The following FSTL1 variants were observed in gnomAD, a reference collection of about 807,000 sequenced individuals.
FSTL1 encodes follistatin like 1, also known as follistatin-related protein 1.
Under a neutral mutation model 45.9 loss-of-function variants are expected in FSTL1, and 24 were observed. That is an observed-to-expected ratio of 0.52 (90% CI 0.38 to 0.74). FSTL1 has a LOEUF of 0.74. FSTL1 is among the 30% of genes least tolerant of loss of function. The probability of loss-of-function intolerance (pLI) is 0.00; values close to 1 mark genes in which losing one functional copy is unlikely to be tolerated. For missense variants in FSTL1, 340 were observed against 381.8 expected (o/e 0.89, Z 0.91); for synonymous variants, 120 against 137.6 (o/e 0.87, Z 0.89).
At chr3:120,418,206 A>G (rs1937219067) in intron 2 of FSTL1, among the ~76,000 whole-genome samples, 1 of 152,242 alleles carries the variant, frequency 6.6e-6, no homozygotes, top group African/African-American at 2.4e-5. Flanking sequence ...AAATGTTTTC[A>G]TACACATGAT....
intron 2 of FSTL1, among the ~76,000 whole-genome samples, chr3:120,437,886 C>A (rs1937587497): frequency 6.6e-6 from 1 of 152,162 alleles, no homozygotes. Flanking sequence ...TTCACCCTAA[C>A]AAGTCACTTG....
intron 6 of FSTL1, among the ~76,000 whole-genome samples, chr3:120,408,551 C>T (rs1362377637): frequency 6.6e-6 from 1 of 152,212 alleles, no homozygotes. Flanking sequence ...AAAAGTCCTT[C>T]ATGTGTCTGA....
At chr3:120,450,777 G>A in intron 1 of FSTL1, 31 bp from the exon 2 acceptor site, 1 of 1,530,932 alleles carries the variant, frequency 6.5e-7, no homozygotes, top group Non-Finnish European at 8.8e-7. Flanking sequence ...CGAGTCTGAA[G>A]GCGCCGGGCC....
Position 120,403,920 on chromosome 3 carries a change from C to CAAAAAAA in FSTL1, c.582-573_582-567dup, listed in dbSNP as rs34145564. Among the ~76,000 whole-genome samples, 111 of 52,046 alleles carry CAAAAAAA rather than the reference C, an allele frequency of 2.1e-3. 1 individual carries two copies. Among genetic ancestry groups the CAAAAAAA allele is most frequent in the Middle Eastern group, 0.017 (1 of 60 alleles). 34.1% of individuals were successfully genotyped at this position (52,046 alleles called of 152,430 possible). On this transcript the variant is annotated intron_variant, in intron 7 of 10. Transcript: ENST00000295633. Reference sequence around the variant, plus strand: ...TGGGCGACAGAGCGAGACTCCGTCTCAAAAAAAAAAAAAAAAAAAAAAAAC... The same window carrying CAAAAAAA: ...TGGGCGACAGAGCGAGACTCCGTCTCAAAAAAAAAAAAAAAAAAAAAAAAAAAAAAAC...
chr3:120,413,929 T>C (rs536991507), intron 3 of FSTL1, among the ~76,000 whole-genome samples: 2 of 152,008 alleles, frequency 1.3e-5, no homozygotes, highest in South Asian at 2.1e-4. Context: ...GTGCCTGCGA[T>C]TGCAGGCTTG....
At chr3:120,401,419 TAC>T (rs1936823389) in intron 9 of FSTL1, among the ~76,000 whole-genome samples, 5 of 152,130 alleles carry the variant, frequency 3.3e-5, no homozygotes, top group Non-Finnish European at 7.4e-5. Flanking sequence ...CCTTAGATAG[TAC>T]TGGGCCATTT....
intron 7 of FSTL1, 111 bp from the exon 8 acceptor site, chr3:120,403,465 G>T: frequency 4.6e-6 from 3 of 654,014 alleles, no homozygotes; most frequent in South Asian, 3.7e-5. Context: ...AGGCCAAGAA[G>T]ATGACTGCTA....
At chr3:120,400,916 A>G (rs1936813667) in intron 9 of FSTL1, among the ~76,000 whole-genome samples, 1 of 152,240 alleles carries the variant, frequency 6.6e-6, no homozygotes, top group Non-Finnish European at 1.5e-5. Flanking sequence ...GGACTTGGTC[A>G]TCCAGGGAGG....
chr3:120,409,493 C>T, intron 6 of FSTL1, 39 bp downstream of exon 6: 1 of 1,594,648 alleles, frequency 6.3e-7, no homozygotes. Flanking sequence ...GCTTCCCTTT[C>T]TATGGGCCTG....
intron 2 of FSTL1, among the ~76,000 whole-genome samples, chr3:120,445,895 G>A (rs1937728526): frequency 6.7e-6 from 1 of 150,008 alleles, no homozygotes; most frequent in South Asian, 2.1e-4. Context: ...ACAGTGAAGG[G>A]AAGGCCACGC....
chr3:120,400,031 T>C, intron 9 of FSTL1, 72 bp from the exon 10 acceptor site: 1 of 966,098 alleles, frequency 1.0e-6, no homozygotes, highest in Non-Finnish European at 1.6e-6. Context: ...AAGATCTACC[T>C]AGAGGCTCTC....
chr3:120,410,453 T>C (rs1937029626), intron 5 of FSTL1: 1 of 269,392 alleles, frequency 3.7e-6, no homozygotes, highest in South Asian at 3.8e-5. Flanking sequence ...ATATGGTAAT[T>C]ACAATAAGAT....
chr3:120,437,485 AT>A (rs1312611984), intron 2 of FSTL1, among the ~76,000 whole-genome samples: 1 of 152,230 alleles, frequency 6.6e-6, no homozygotes, highest in Non-Finnish European at 1.5e-5. Flanking sequence ...TTCCACAGGA[AT>A]TTTTGTGAGA....
At chr3:120,438,092 C>A (rs1158095107) in intron 2 of FSTL1, among the ~76,000 whole-genome samples, 8 of 152,152 alleles carry the variant, frequency 5.3e-5, no homozygotes, top group African/African-American at 1.9e-4. Flanking sequence ...AAATTAGGGT[C>A]CACGCAATAG....
chr3:120,422,344 G>GCA (rs747286823), intron 2 of FSTL1, among the ~76,000 whole-genome samples: 1 of 152,072 alleles, frequency 6.6e-6, no homozygotes, highest in Non-Finnish European at 1.5e-5. Flanking sequence ...TTCTCAACAT[G>GCA]CACACACACA....
At chr3:120,430,951 T>A (rs1238454294) in intron 2 of FSTL1, among the ~76,000 whole-genome samples, 1 of 152,244 alleles carries the variant, frequency 6.6e-6, no homozygotes, top group Non-Finnish European at 1.5e-5. Flanking sequence ...ACCCATCTCA[T>A]ACAGAATTTA....
rs1936652317 is a variant in FSTL1 at position 120,394,308 on chromosome 3, A to G, written c.*2644T>C. 1.3e-5 allele frequency: 2 copies of G among 152,246 alleles called. No homozygotes were observed. Among genetic ancestry groups the G allele is most frequent in the South Asian group, 4.1e-4 (2 of 4,832 alleles). 9.4% of individuals were successfully genotyped at this position (152,246 alleles called of 1,614,324 possible). A position where few individuals can be genotyped will look rare whatever the true frequency, so the allele number is the denominator to read the frequency against. On this transcript the variant is annotated 3_prime_UTR_variant, in exon 11 of 11. Coordinates refer to ENST00000295633, the MANE Select transcript of FSTL1 (RefSeq NM_007085.5). ...TTTAATTTCTTTATTCATCAATAGT[A>G]TCCGAAAAGGAAGAATCAGGAGTTA...
chr3:120,405,047 C>T (rs961840241), intron 6 of FSTL1, 76 bp from the exon 7 acceptor site: 2 of 808,086 alleles, frequency 2.5e-6, no homozygotes, highest in Non-Finnish European at 4.5e-6. Flanking sequence ...CTCAGCTGAC[C>T]TGCCTCTGAT....
At chr3:120,404,557 C>T (rs1452885090) in intron 7 of FSTL1, among the ~76,000 whole-genome samples, 1 of 152,200 alleles carries the variant, frequency 6.6e-6, no homozygotes, top group Non-Finnish European at 1.5e-5. Context: ...TAAAACATCA[C>T]CCACAACATT....
Sources: allele counts gnomAD v4.1 joint callset (sites outside exome capture counted in the v4.1 genomes callset), GRCh38; gene constraint gnomAD v4.1.1; transcripts MANE v1.5; gene names NCBI Gene and HGNC (gene_info 2026-07-23, HGNC 2026-07-21).